Variants in NKX3-2 observed in about 807,000 individuals in gnomAD.
NKX3-2 encodes the protein homeobox protein Nkx-3.2.
Under a neutral mutation model 19.4 loss-of-function variants are expected in NKX3-2, and 13 were observed. That is an observed-to-expected ratio of 0.67 (90% CI 0.44 to 1.07). The LOEUF (loss-of-function observed/expected upper bound fraction) is 1.07. NKX3-2 is among the 50% of genes least tolerant of loss of function. NKX3-2 has a pLI of 0.00. For missense variants in NKX3-2, 562 were observed against 488.2 expected, an observed-to-expected ratio of 1.15 and a Z score of -1.42; for synonymous variants, 269 against 230.5, an observed-to-expected ratio of 1.17 and a Z score of -1.51.
chr4:13,542,042 A>G lies in NKX3-2; in HGVS notation c.953T>C (p.Leu318Pro). ...QPSYYYPYYC[L>P]PGWALSTCAA... is the part of the protein sequence containing the mutation. Reference sequence around the variant, plus strand: ...GCAGGTGGAGAGCGCCCAGCCTGGGAGGCAGTAGTACGGGTAATAGTAGGA... The same window carrying G: ...GCAGGTGGAGAGCGCCCAGCCTGGGGGGCAGTAGTACGGGTAATAGTAGGA... The change falls in exon 2 of 2, where the codon CTC becomes CCC. Residue 318 changes from leucine to proline, a missense_variant. Physicochemically the swap from Leu to Pro is moderately conservative, Grantham distance 98. Coordinates refer to ENST00000382438, the MANE Select transcript of NKX3-2 (RefSeq NM_001189.4). This position sits in a 1 kb window ranked among gnomAD's most constrained non-coding sequence, Gnocchi z 6.4. The G allele has an allele frequency of 1.9e-6, 3 of 1,603,754 alleles. No homozygotes were observed. Among genetic ancestry groups the G allele is most frequent in the Non-Finnish European group, 2.6e-6 (3 of 1,175,432 alleles).
upstream of NKX3-2, chr4:13,547,717 C>T (rs112171745): frequency 8.8e-3 from 1,345 of 153,526 alleles, 16 homozygotes; most frequent in African/African-American, 0.029. Context: ...CTTCCGCGGG[C>T]GGCGGGCGGA....
At position 13,544,092 on chromosome 4, in the gene NKX3-2, G is replaced by C. The variant is rs202191746; in HGVS notation, c.323C>G (p.Ala108Gly). Reference protein sequence around the residue: ...SEENESRRRCADARGASGAGL... With the variant: ...SEENESRRRCGDARGASGAGL... ...GGCCCCGCTGGCCCCCCGCGCGTCC[G>C]CGCAGCGCCGCCTGCTCTCGTTCTC... The change falls in exon 1 of 2, where the codon GCG (alanine) becomes GGG (glycine). Residue 108 changes from alanine to glycine, a missense_variant. Coordinates refer to ENST00000382438, the MANE Select transcript of NKX3-2 (RefSeq NM_001189.4). 3.6e-3 allele frequency: 5,649 copies of C among 1,589,108 alleles called. 16 individuals carry two copies. Among genetic ancestry groups the C allele is most frequent in the Non-Finnish European group, 3.9e-3 (4,623 of 1,170,524 alleles).
rs868800217 is a variant in NKX3-2, at chr4:13,544,399, C to T, written c.16G>A (p.Ala6Thr). 6.5e-7 allele frequency: 1 copy of T among 1,538,574 alleles called. No individual in the cohort carries two copies. Residue 6 changes from alanine to threonine, a missense_variant, in exon 1 of 2, where the codon GCC (alanine) becomes ACC (threonine). Transcript: ENST00000382438. ...ATGGAGAAGGACGTCAAGGTGTTGG[C>T]GCCGCGCACAGCCATCTGCGCCGCG... MAVRGANTLTSFSIQA... is the reference protein window; with the variant it reads MAVRGTNTLTSFSIQA...
rs1458203761 is a variant in NKX3-2 at position 13,544,127 on chromosome 4, C to A, written c.288G>T (p.Ala96=). The part of the protein sequence containing the change: ...ESPEGWDSDS[A]LSEENESRRR... Reference sequence around the variant, plus strand: ...GCCTGCTCTCGTTCTCCTCGCTGAGCGCGGAGTCCGAGTCCCAGCCTTCCG... The same window carrying A: ...GCCTGCTCTCGTTCTCCTCGCTGAGAGCGGAGTCCGAGTCCCAGCCTTCCG... The change falls in exon 1 of 2, where the codon GCG becomes GCT. Residue 96 remains alanine, a synonymous_variant. Transcript: ENST00000382438. The A allele has an allele frequency of 3.1e-6, 5 of 1,603,780 alleles. No homozygotes were observed. The African/African-American group carries it at 5.4e-5, about 17-fold the overall frequency.
upstream of NKX3-2, chr4:13,544,621 G>T (rs567636972): frequency 2.4e-5 from 7 of 285,778 alleles, no homozygotes; most frequent in Non-Finnish European, 3.7e-5. Flanking sequence ...GGCCCACCCC[G>T]CCCGGAGACC....
Position 13,544,246 on chromosome 4 carries a change from C to G in NKX3-2, c.169G>C (p.Glu57Gln). The change falls in exon 1 of 2, where the codon GAG (glutamate) becomes CAG (glutamine). Residue 57 changes from glutamate (E) to glutamine (Q), a missense_variant. Coordinates refer to ENST00000382438, the MANE Select transcript of NKX3-2 (RefSeq NM_001189.4). ...PAVCCWRLFG[E>Q]RDAGALGGAE... ...CCCCCCAACGCGCCCGCGTCCCTCTCCCCAAAGAGCCGCCAACAGCAGACA... is the reference window on the plus strand; with the variant it reads ...CCCCCCAACGCGCCCGCGTCCCTCTGCCCAAAGAGCCGCCAACAGCAGACA... The G allele has an allele frequency of 6.3e-7, 1 of 1,581,274 alleles. No homozygotes were observed. Among genetic ancestry groups the G allele is most frequent in the Non-Finnish European group, 8.5e-7 (1 of 1,172,276 alleles).
upstream of NKX3-2, chr4:13,547,459 G>C: frequency 3.4e-6 from 1 of 296,474 alleles, no homozygotes; most frequent in Non-Finnish European, 6.5e-6. Context: ...CTTTCGAGAG[G>C]CACCGGGCTC....
upstream of NKX3-2, chr4:13,546,470 G>A (rs1006268190): frequency 5.3e-6 from 1 of 188,764 alleles, no homozygotes; most frequent in African/African-American, 2.3e-5. Context: ...TTCAAAAACA[G>A]TGTGTCCTCT....
upstream of NKX3-2, among the ~76,000 whole-genome samples, chr4:13,545,756 T>A (rs1473801763): frequency 6.6e-6 from 1 of 152,032 alleles, no homozygotes; most frequent in Non-Finnish European, 1.5e-5. Context: ...TTTCAATTTG[T>A]TTTTTTTAAA....
In NKX3-2 at chr4:13,542,766, C is replaced by T. The variant is rs929168100; in HGVS notation, c.467-238G>A. ...GGCAGACTCAGCCGCTGTGTCAACG[C>T]TGTGTTGTCGAGACCAGCTCCCCAC... On this transcript the variant is annotated intron_variant, in intron 1 of 1. Transcript: ENST00000382438. This position sits in a 1 kb window ranked among gnomAD's most constrained non-coding sequence, Gnocchi z 6.4. Among the ~76,000 whole-genome samples the T allele has an allele frequency of 1.3e-5, 2 of 152,176 alleles. No individual in the cohort carries two copies. The highest frequency in any genetic ancestry group is 2.9e-5 in the Non-Finnish European group (2 of 68,040).
At chr4:13,547,004 A>G (rs1245169921), upstream of NKX3-2, 1 of 456,164 alleles carries the variant, frequency 2.2e-6, no homozygotes, top group Non-Finnish European at 4.4e-6. Flanking sequence ...ATCTCGGGCC[A>G]TTACGGCGCT....
chr4:13,541,021 C>G lies in NKX3-2; in HGVS notation c.*972G>C, dbSNP rs1560164391. 6.6e-6 allele frequency: 1 copy of G among 152,218 alleles called. No individual in the cohort carries two copies. The highest frequency in any genetic ancestry group is 1.5e-5 in the Non-Finnish European group (1 of 68,128). 9.4% of individuals were successfully genotyped at this position (152,218 alleles called of 1,614,324 possible). On this transcript the variant is annotated 3_prime_UTR_variant, in exon 2 of 2. Transcript: ENST00000382438. ...AAGTGAGGGGCGGATAGGGGAGTCC[C>G]GGGCCAGAGCACTGGAGTCGCAGAG...
Position 13,541,861 on chromosome 4 carries a change from G to T in NKX3-2, c.*132C>A. ...TGCCAGGGGACAAGTCCTGGCTAAC[G>T]GGAGCTGGAGCTGGGTTTCACCTCC... On this transcript the variant is annotated 3_prime_UTR_variant, in exon 2 of 2. Coordinates refer to ENST00000382438, the MANE Select transcript of NKX3-2 (RefSeq NM_001189.4). 7.3e-7 allele frequency: 1 copy of T among 1,378,808 alleles called. No individual in the cohort carries two copies. The highest frequency in any genetic ancestry group is 9.9e-7 in the Non-Finnish European group (1 of 1,014,426). 85.4% of individuals were successfully genotyped at this position (1,378,808 alleles called of 1,614,324 possible). A position where few individuals can be genotyped will look rare whatever the true frequency, so the allele number is the denominator to read the frequency against.
chr4:13,542,362 G>T lies in NKX3-2; in HGVS notation c.633C>A (p.Ala211=). The change falls in exon 2 of 2, where the codon GCC becomes GCA. Residue 211 remains alanine (A), a synonymous_variant. Transcript: ENST00000382438. This position sits in a 1 kb window ranked among gnomAD's most constrained non-coding sequence, Gnocchi z 6.4. Reference sequence around the variant, plus strand: ...CGAAGACCTGCGCGTGGGAGAAAGCGGCCCGCGAGCGCTTCTTGCGTGGCT... The same window carrying T: ...CGAAGACCTGCGCGTGGGAGAAAGCTGCCCGCGAGCGCTTCTTGCGTGGCT... The part of the protein sequence containing the change: ...APKPRKKRSR[A]AFSHAQVFEL... 6.5e-7 allele frequency: 1 copy of T among 1,528,340 alleles called. No homozygotes were observed. Among genetic ancestry groups the T allele is most frequent in the South Asian group, 1.2e-5 (1 of 82,614 alleles). The allele number at this position is 1,528,340 out of a possible 1,614,324, so 94.7% of individuals were successfully genotyped here. A position where few individuals can be genotyped will look rare whatever the true frequency, so the allele number is the denominator to read the frequency against.
Position 13,543,925 on chromosome 4 carries a change from C to T in NKX3-2, c.466+24G>A. On this transcript the variant is annotated intron_variant, in intron 1 of 1. Coordinates refer to ENST00000382438, the MANE Select transcript of NKX3-2 (RefSeq NM_001189.4). The surrounding 1 kb of genome is among the most constrained non-coding windows in gnomAD (Gnocchi z 7.1). ...GCGTCCATCCCCTCAGCCCGGCCCC[C>T]ATCCCCGCGAAGCCGCAGCAGACCT... The T allele has an allele frequency of 6.5e-7, 1 of 1,529,036 alleles. No homozygotes were observed. Among genetic ancestry groups the T allele is most frequent in the South Asian group, 1.2e-5 (1 of 81,600 alleles). 94.7% of individuals were successfully genotyped at this position (1,529,036 alleles called of 1,614,324 possible). A position where few individuals can be genotyped will look rare whatever the true frequency, so the allele number is the denominator to read the frequency against.
rs950207388 is a variant in NKX3-2, at chr4:13,544,497, C to G, written c.-83G>C. 2.5e-5 allele frequency: 27 copies of G among 1,064,558 alleles called. No homozygotes were observed. In the Admixed American group the frequency reaches 1.2e-3, roughly 46 times the overall value. 65.9% of individuals were successfully genotyped at this position (1,064,558 alleles called of 1,614,324 possible). Reference sequence around the variant, plus strand: ...GAGCGGGACAGAGAGCGCCGGCGGCCGCAGCGCGAGTGAGCTGGGTGTGCG... The same window carrying G: ...GAGCGGGACAGAGAGCGCCGGCGGCGGCAGCGCGAGTGAGCTGGGTGTGCG... On this transcript the variant is annotated 5_prime_UTR_variant, in exon 1 of 2. Coordinates refer to ENST00000382438, the MANE Select transcript of NKX3-2 (RefSeq NM_001189.4).
upstream of NKX3-2, chr4:13,546,466 A>T (rs1718135480): frequency 5.5e-6 from 1 of 182,998 alleles, no homozygotes; most frequent in Non-Finnish European, 1.2e-5. Flanking sequence ...GTCTTTCAAA[A>T]ACAGTGTGTC....
chr4:13,544,275 G>A lies in NKX3-2; in HGVS notation c.140C>T (p.Pro47Leu). 6.4e-7 allele frequency: 1 copy of A among 1,552,146 alleles called. No homozygotes were observed. Among genetic ancestry groups the A allele is most frequent in the African/African-American group, 1.4e-5 (1 of 72,136 alleles). Residue 47 changes from proline (P) to leucine (L), a missense_variant, in exon 1 of 2, where the codon CCC (proline) becomes CTC (leucine). Physicochemically the swap from Pro to Leu is moderately conservative, Grantham distance 98. Coordinates refer to ENST00000382438, the MANE Select transcript of NKX3-2 (RefSeq NM_001189.4). ...AAAGAGCCGCCAACAGCAGACAGCG[G>A]GAGCCGCGGCCACCGATGCCGCTGT... The part of the protein sequence containing the change: ...GGTAASVAAA[P>L]AVCCWRLFGE...
At position 13,544,152 on chromosome 4, in the gene NKX3-2, G is replaced by A. The variant is rs767746306; in HGVS notation, c.263C>T (p.Pro88Leu). The change falls in exon 1 of 2, where the codon CCG (proline) becomes CTG (leucine). Residue 88 changes from proline (P) to leucine (L), a missense_variant. Physicochemically the swap from Pro to Leu is moderately conservative, Grantham distance 98. Coordinates refer to ENST00000382438, the MANE Select transcript of NKX3-2 (RefSeq NM_001189.4). ...CGCGGAGTCCGAGTCCCAGCCTTCC[G>A]GGCTCTCCGCAGTCCGCCCCGCAGC... ...RTAAGRTAES[P>L]EGWDSDSALS... is the part of the protein sequence containing the mutation. 1.2e-6 allele frequency: 2 copies of A among 1,605,498 alleles called. No homozygotes were observed. The highest frequency in any genetic ancestry group is 1.7e-6 in the Non-Finnish European group (2 of 1,178,690).
Sources: gnomAD v4.1 joint callset for allele counts (sites outside exome capture counted in the v4.1 genomes callset) on GRCh38, gnomAD v4.1.1 for gene constraint, Gnocchi (gnomAD v3.1) non-coding constraint, MANE v1.5 for transcripts, NCBI Gene and HGNC (gene_info 2026-07-23, HGNC 2026-07-21) for gene names.